VAT1L: variants seen among roughly 807,000 people sequenced by gnomAD.
The protein encoded by VAT1L is vesicle amine transport 1 like.
In VAT1L, 34 loss-of-function variants were observed where a neutral mutation model predicts 44.1. The ratio of observed to expected loss-of-function variants is 0.77; its 90% CI spans 0.59 to 1.03. VAT1L has a LOEUF of 1.03. Among genes scored for constraint, VAT1L ranks in the 50% least tolerant of loss-of-function variants. VAT1L has a pLI of 0.00. For synonymous variants in VAT1L, 253 were observed against 202.2 expected, an observed-to-expected ratio of 1.25 and a Z score of -2.13; for missense variants, 615 against 538.8, an observed-to-expected ratio of 1.14 and a Z score of -1.40.
chr16:77,972,746 A>T (rs2018294071), intron 8 of VAT1L, among the ~76,000 whole-genome samples: 1 of 151,850 alleles, frequency 6.6e-6, no homozygotes, highest in Admixed American at 6.6e-5. Flanking sequence ...GCGTCATTGC[A>T]CTCCAGCCTG....
At chr16:77,876,546 A>G in intron 5 of VAT1L, 73 bp downstream of exon 5, 1 of 1,364,498 alleles carries the variant, frequency 7.3e-7, no homozygotes, top group Non-Finnish European at 1.0e-6. Context: ...AAGGCTCTGA[A>G]AAGTGAATTG....
At position 77,796,454 on chromosome 16, in the gene VAT1L, G is replaced by C. The variant is rs187756440; in HGVS notation, c.233+7539G>C. On this transcript the variant is annotated intron_variant, in intron 1 of 8. Transcript: ENST00000302536. ...TCTAGGAGAGGAAGCTGGGACTCAG[G>C]GATGGAGTGGAAATAGTGAGAAGCT... Among the ~76,000 whole-genome samples the C allele has an allele frequency of 2.2e-3, 342 of 152,316 alleles. 3 individuals are homozygous for C. Among genetic ancestry groups the C allele is most frequent in the African/African-American group, 7.8e-3 (326 of 41,572 alleles).
At chr16:77,866,727 G>C (rs2016978268) in intron 4 of VAT1L, among the ~76,000 whole-genome samples, 1 of 151,224 alleles carries the variant, frequency 6.6e-6, no homozygotes, top group Admixed American at 6.6e-5. Flanking sequence ...AAAGGGAATA[G>C]AAAAAAAAAT....
chr16:77,918,416 T>A (rs2017572980), intron 7 of VAT1L, among the ~76,000 whole-genome samples: 1 of 152,158 alleles, frequency 6.6e-6, no homozygotes, highest in Non-Finnish European at 1.5e-5. Flanking sequence ...GTCTCTTGAA[T>A]CTAGTCCTTT....
intron 7 of VAT1L, among the ~76,000 whole-genome samples, chr16:77,945,839 G>A (rs867640365): frequency 2.2e-4 from 32 of 142,842 alleles, no homozygotes; most frequent in Non-Finnish European, 6.0e-5. Context: ...GTCTCGCTCT[G>A]TCGCCCAGGC....
intron 8 of VAT1L, among the ~76,000 whole-genome samples, chr16:77,972,213 G>C (rs2018286463): frequency 6.6e-6 from 1 of 152,208 alleles, no homozygotes; most frequent in African/African-American, 2.4e-5. Flanking sequence ...ACAGCTGCTA[G>C]CTCTTGGGAG....
chr16:77,897,158 G>A (rs552596621), intron 7 of VAT1L, among the ~76,000 whole-genome samples: 5 of 152,164 alleles, frequency 3.3e-5, no homozygotes, highest in South Asian at 2.1e-4. Context: ...ATCTTGGGAC[G>A]TACATTTAAA....
intron 6 of VAT1L, among the ~76,000 whole-genome samples, chr16:77,880,041 T>C (rs1280672504): frequency 6.6e-6 from 1 of 152,154 alleles, no homozygotes; most frequent in African/African-American, 2.4e-5. Flanking sequence ...ATGCTTTCAA[T>C]ATGGTGGTTA....
At chr16:77,839,086 T>C (rs570473106) in intron 3 of VAT1L, among the ~76,000 whole-genome samples, 20 of 150,972 alleles carry the variant, frequency 1.3e-4, no homozygotes, top group South Asian at 8.4e-4. Context: ...GAGGGAGGAG[T>C]AAAAGCTGCC....
intron 7 of VAT1L, among the ~76,000 whole-genome samples, chr16:77,926,358 A>C (rs886349849): frequency 6.6e-6 from 1 of 151,940 alleles, no homozygotes; most frequent in Non-Finnish European, 1.5e-5. Flanking sequence ...TGAGGCAGGC[A>C]GATCGCCTAA....
At position 77,806,914 on chromosome 16, in the gene VAT1L, G is replaced by T. The variant is rs150363588; in HGVS notation, c.234-10007G>T. On this transcript the variant is annotated intron_variant, in intron 1 of 8. Coordinates refer to ENST00000302536, the MANE Select transcript of VAT1L (RefSeq NM_020927.3). ...CCCTTCCATGGAAAGCTGGGGTGAGGCCAGAGAGGCTGAGAGAATGGGAGC... is the reference window on the plus strand; with the variant it reads ...CCCTTCCATGGAAAGCTGGGGTGAGTCCAGAGAGGCTGAGAGAATGGGAGC... 4.3e-3 allele frequency among the ~76,000 whole-genome samples: 661 copies of T among 152,202 alleles called. 4 individuals are homozygous for T. Among genetic ancestry groups the T allele is most frequent in the Admixed American group, 0.02 (305 of 15,298 alleles).
Position 77,884,544 on chromosome 16 carries a change from G to A in VAT1L, c.883-64G>A. 1 of 1,517,748 alleles carries A rather than the reference G, an allele frequency of 6.6e-7. No homozygotes were observed. The highest frequency in any genetic ancestry group is 8.9e-7 in the Non-Finnish European group (1 of 1,118,676). 94.0% of individuals were successfully genotyped at this position (1,517,748 alleles called of 1,614,324 possible). On this transcript the variant is annotated intron_variant, in intron 6 of 8. Transcript: ENST00000302536. This position sits in a 1 kb window ranked among gnomAD's most constrained non-coding sequence, Gnocchi z 4.5. ...TGTAGTAGCTGATGACATCAGCAAT[G>A]CTGCCAATGTAGGCTTAACCCCGGT... is the stretch of plus-strand genomic sequence containing the variant.
Position 77,971,947 on chromosome 16 carries a change from A to AGAG in VAT1L, c.1161+18_1161+20dup. ...CCAACTCCACTGGTGAGTGAAAAGC[A>AGAG]GAGGAGTCTGTTCAGTTCCACGCGA... is the stretch of plus-strand genomic sequence containing the variant. On this transcript the variant is annotated intron_variant, in intron 8 of 8. Transcript: ENST00000302536. The AGAG allele has an allele frequency of 6.2e-7, 1 of 1,612,052 alleles. No homozygotes were observed. Among genetic ancestry groups the AGAG allele is most frequent in the Non-Finnish European group, 8.5e-7 (1 of 1,178,980 alleles).
intron 4 of VAT1L, among the ~76,000 whole-genome samples, chr16:77,869,981 G>C (rs1009202264): frequency 1.3e-5 from 2 of 152,130 alleles, no homozygotes; most frequent in African/African-American, 4.8e-5. Context: ...TTTTAAAACT[G>C]GTGGAAATTA....
At chr16:77,907,182 T>G (rs1180428352) in intron 7 of VAT1L, among the ~76,000 whole-genome samples, 1 of 152,180 alleles carries the variant, frequency 6.6e-6, no homozygotes, top group Non-Finnish European at 1.5e-5. Context: ...CAACATGACA[T>G]CACTGAATAC....
At position 77,862,896 on chromosome 16, in the gene VAT1L, A is replaced by G; in HGVS notation, c.722+6A>G. 2 of 1,613,690 alleles carry G rather than the reference A, an allele frequency of 1.2e-6. No homozygotes were observed. The highest frequency in any genetic ancestry group is 1.7e-6 in the Non-Finnish European group (2 of 1,179,802). On this transcript the variant is annotated splice_donor_region_variant and intron_variant, in intron 4 of 8. Coordinates refer to ENST00000302536, the MANE Select transcript of VAT1L (RefSeq NM_020927.3). ...TACGTGCAAGAAGTTAAAAGGTAAG[A>G]TGTTTGCTTTTGAAAAAGCACCAGG...
At chr16:77,867,555 T>C (rs1402664265) in intron 4 of VAT1L, among the ~76,000 whole-genome samples, 1 of 152,032 alleles carries the variant, frequency 6.6e-6, no homozygotes. Flanking sequence ...TAAAATATCA[T>C]GAGTCAAAAA....
At chr16:77,856,194 G>A (rs926494514) in intron 3 of VAT1L, among the ~76,000 whole-genome samples, 19 of 152,150 alleles carry the variant, frequency 1.2e-4, no homozygotes, top group Non-Finnish European at 2.6e-4. Flanking sequence ...AGAGAGGGTG[G>A]CACTTAGGAA....
chr16:77,830,740 G>A (rs1424612949), intron 3 of VAT1L, among the ~76,000 whole-genome samples: 1 of 152,190 alleles, frequency 6.6e-6, no homozygotes, highest in African/African-American at 2.4e-5. Context: ...CTGGAGGGCT[G>A]TGGCGCAGTC....
Sources: allele counts gnomAD v4.1 joint callset (sites outside exome capture counted in the v4.1 genomes callset), GRCh38; gene constraint gnomAD v4.1.1; non-coding constraint Gnocchi (gnomAD v3.1); transcripts MANE v1.5; gene names NCBI Gene and HGNC (gene_info 2026-07-23, HGNC 2026-07-21).